PKNOX2: variants seen among roughly 807,000 people sequenced by gnomAD.
The protein encoded by PKNOX2 is homeobox protein PKNOX2.
PKNOX2 carries 14 observed loss-of-function variants against 53.1 expected under a neutral mutation model. That is an observed-to-expected ratio of 0.26 (90% confidence interval 0.17 to 0.41). The LOEUF is 0.41. Among genes scored for constraint, PKNOX2 ranks in the 10% least tolerant of loss-of-function variants. The probability of loss-of-function intolerance (pLI) is 1.00; values close to 1 mark genes in which losing one functional copy is unlikely to be tolerated. For missense variants in PKNOX2, 496 were observed against 602.8 expected (o/e 0.82, Z 1.85); for synonymous variants, 257 against 242.8 (o/e 1.06, Z -0.54).
intron 4 of PKNOX2, among the ~76,000 whole-genome samples, chr11:125,359,371 A>C (rs1469249839): frequency 6.6e-6 from 1 of 152,092 alleles, no homozygotes; most frequent in African/African-American, 2.4e-5. Flanking sequence ...TTGACTCATC[A>C]AAACAGACTC....
intron 2 of PKNOX2, among the ~76,000 whole-genome samples, chr11:125,314,188 A>T (rs1398634099): frequency 6.6e-6 from 1 of 152,098 alleles, no homozygotes; most frequent in African/African-American, 2.4e-5. Flanking sequence ...CAGTTGGAGA[A>T]TTTGGGGTTG....
chr11:125,317,249 C>A (rs558252360), intron 2 of PKNOX2, among the ~76,000 whole-genome samples: 1 of 152,302 alleles, frequency 6.6e-6, no homozygotes, highest in African/African-American at 2.4e-5. Context: ...TCAAAGTCAT[C>A]TATGAGGCTT....
chr11:125,167,287 C>A (rs1349392036), intron 1 of PKNOX2, among the ~76,000 whole-genome samples: 1 of 152,152 alleles, frequency 6.6e-6, no homozygotes, highest in Non-Finnish European at 1.5e-5. Flanking sequence ...CCCCCTGCAC[C>A]CCTGGCAGGG....
At chr11:125,277,369 G>T (rs556485751) in intron 2 of PKNOX2, among the ~76,000 whole-genome samples, 5 of 152,310 alleles carry the variant, frequency 3.3e-5, no homozygotes, top group Admixed American at 3.3e-4. Flanking sequence ...AATAATAATG[G>T]AGAAAGGGTC....
intron 2 of PKNOX2, among the ~76,000 whole-genome samples, chr11:125,306,846 C>T (rs952257358): frequency 2.6e-5 from 4 of 152,194 alleles, no homozygotes; most frequent in Non-Finnish European, 4.4e-5. Context: ...CCCCCATTTT[C>T]GTTTCACACA....
At chr11:125,323,162 T>C (rs1040977470) in intron 2 of PKNOX2, among the ~76,000 whole-genome samples, 1 of 151,744 alleles carries the variant, frequency 6.6e-6, no homozygotes, top group Non-Finnish European at 1.5e-5. Context: ...GTTTCCAGCA[T>C]CCGTGAGTTT....
intron 10 of PKNOX2, among the ~76,000 whole-genome samples, chr11:125,412,219 C>G (rs1361288566): frequency 6.6e-6 from 1 of 152,104 alleles, no homozygotes; most frequent in Non-Finnish European, 1.5e-5. Context: ...TGGTCCAGAG[C>G]CCTCCCCCTG....
intron 2 of PKNOX2, among the ~76,000 whole-genome samples, chr11:125,299,820 C>T (rs1358981841): frequency 6.6e-6 from 1 of 151,492 alleles, no homozygotes; most frequent in East Asian, 2.0e-4. Flanking sequence ...TCCTGAGCCT[C>T]GGTTCTGAGC....
chr11:125,246,321 T>G (rs1462344061), intron 2 of PKNOX2, among the ~76,000 whole-genome samples: 1 of 152,140 alleles, frequency 6.6e-6, no homozygotes, highest in Admixed American at 6.5e-5. Context: ...TGGGACACAT[T>G]CCTGCAATAA....
At position 125,431,647 on chromosome 11, in the gene PKNOX2, T is replaced by C. The variant is rs907968405; in HGVS notation, c.*255T>C. On this transcript the variant is annotated 3_prime_UTR_variant, in exon 13 of 13. Coordinates refer to ENST00000298282, the MANE Select transcript of PKNOX2 (RefSeq NM_001382323.2). ...GGCGGGGCCAGTCGAGCAGCCTGTG[T>C]GGAAAGACAGGAGTGAGATCTGGAC... 3.9e-6 allele frequency: 2 copies of C among 515,204 alleles called. No individual in the cohort carries two copies. The highest frequency in any genetic ancestry group is 3.8e-5 in the African/African-American group (2 of 52,306). 31.9% of individuals were successfully genotyped at this position (515,204 alleles called of 1,614,324 possible). A position where few individuals can be genotyped will look rare whatever the true frequency, so the allele number is the denominator to read the frequency against.
intron 6 of PKNOX2, among the ~76,000 whole-genome samples, chr11:125,387,469 G>A (rs1026461326): frequency 2.6e-5 from 4 of 152,186 alleles, no homozygotes; most frequent in Admixed American, 6.5e-5. Context: ...CACCAAGAAC[G>A]GCCTCCCATC....
In PKNOX2 at chr11:125,206,607, G is replaced by T. The variant is rs141819505; in HGVS notation, c.-200-28438G>T. 7.6e-3 allele frequency among the ~76,000 whole-genome samples: 1,157 copies of T among 152,182 alleles called. 15 individuals carry two copies. Among genetic ancestry groups the T allele is most frequent in the Non-Finnish European group, 0.012 (819 of 67,980 alleles). On this transcript the variant is annotated intron_variant, in intron 1 of 12. Coordinates refer to ENST00000298282, the MANE Select transcript of PKNOX2 (RefSeq NM_001382323.2). ...GAGAAGCAGCCAGGTGCCCTGCTTTGCTACTTGCGAGCTGGTGATCTTGAG... is the reference window on the plus strand; with the variant it reads ...GAGAAGCAGCCAGGTGCCCTGCTTTTCTACTTGCGAGCTGGTGATCTTGAG...
chr11:125,327,497 G>T (rs1277112744), intron 2 of PKNOX2, among the ~76,000 whole-genome samples: 1 of 152,208 alleles, frequency 6.6e-6, no homozygotes, highest in African/African-American at 2.4e-5. Flanking sequence ...GCTTGGCCCT[G>T]CCTGCTGTGC....
rs554822999 is a variant in PKNOX2 at position 125,391,240 on chromosome 11, T to A, written c.399+5518T>A. 2.6e-5 allele frequency among the ~76,000 whole-genome samples: 4 copies of A among 152,350 alleles called. No individual in the cohort carries two copies. The East Asian group carries it at 7.7e-4, about 29-fold the overall frequency. On this transcript the variant is annotated intron_variant, in intron 6 of 12. Coordinates refer to ENST00000298282, the MANE Select transcript of PKNOX2 (RefSeq NM_001382323.2). ...TCAATTTCCTTATCTCTAGGAGAGA[T>A]AATATTGCCTGTGTCCCTGTGGTGA... is the stretch of plus-strand genomic sequence containing the variant.
chr11:125,326,568 G>A (rs1949831578), intron 2 of PKNOX2, among the ~76,000 whole-genome samples: 1 of 152,192 alleles, frequency 6.6e-6, no homozygotes, highest in Non-Finnish European at 1.5e-5. Flanking sequence ...ACAAGTCGAT[G>A]AATTATTTTA....
intron 2 of PKNOX2, among the ~76,000 whole-genome samples, chr11:125,321,074 T>A (rs1382937910): frequency 6.6e-6 from 1 of 152,224 alleles, no homozygotes; most frequent in East Asian, 1.9e-4. Context: ...ACATTTGAGC[T>A]GAGTCCTTGA....
At chr11:125,333,062 T>C (rs1950227293) in intron 3 of PKNOX2, among the ~76,000 whole-genome samples, 2 of 152,168 alleles carry the variant, frequency 1.3e-5, no homozygotes, top group South Asian at 4.1e-4. Context: ...CGATGCCCGT[T>C]TCGGGGGCAA....
At chr11:125,317,136 T>C (rs1949247971) in intron 2 of PKNOX2, among the ~76,000 whole-genome samples, 1 of 152,238 alleles carries the variant, frequency 6.6e-6, no homozygotes, top group Non-Finnish European at 1.5e-5. Flanking sequence ...GACCATGAGA[T>C]TGCAGCAGTT....
In PKNOX2 at chr11:125,259,282, C is replaced by G. The variant is rs547733566; in HGVS notation, c.-130+24167C>G. ...ATTCATTCATGCATTCATTCATTCACTCATTTAAGACGCATGTTAGACACC... is the reference window on the plus strand; with the variant it reads ...ATTCATTCATGCATTCATTCATTCAGTCATTTAAGACGCATGTTAGACACC... On this transcript the variant is annotated intron_variant, in intron 2 of 12. Transcript: ENST00000298282. Among the ~76,000 whole-genome samples the G allele has an allele frequency of 3.9e-5, 6 of 152,318 alleles. No homozygotes were observed. The East Asian group carries it at 9.6e-4, about 24-fold the overall frequency.
Sources: gnomAD v4.1 joint callset for allele counts (sites outside exome capture counted in the v4.1 genomes callset) on GRCh38, gnomAD v4.1.1 for gene constraint, MANE v1.5 for transcripts, NCBI Gene and HGNC (gene_info 2026-07-23, HGNC 2026-07-21) for gene names.